GATM: variants seen among roughly 807,000 people sequenced by gnomAD.
GATM encodes the protein glycine amidinotransferase, mitochondrial.
In GATM, 23 loss-of-function variants were observed where a neutral mutation model predicts 54.2. That is an observed-to-expected ratio of 0.42 (90% CI 0.31 to 0.60). The LOEUF is 0.60. Ranked by LOEUF, GATM falls within the 20% of genes least tolerant of loss-of-function variation. GATM has a pLI of 0.14. For synonymous variants in GATM, 168 were observed against 183.1 expected (o/e 0.92, Z 0.67); for missense variants, 401 against 544.9 (o/e 0.74, Z 2.63).
upstream of GATM, among the ~76,000 whole-genome samples, chr15:45,382,967 T>C (rs1889760100): frequency 6.6e-6 from 1 of 152,196 alleles, no homozygotes; most frequent in Non-Finnish European, 1.5e-5. Flanking sequence ...AAATCTGAAA[T>C]GCTGTGGGAC....
At chr15:45,362,733 T>G (rs1358505203) in intron 8 of GATM, among the ~76,000 whole-genome samples, 2 of 152,198 alleles carry the variant, frequency 1.3e-5, no homozygotes, top group Non-Finnish European at 2.9e-5. Flanking sequence ...GTTTGTATGG[T>G]TATACAGGTA....
At chr15:45,384,391 T>C (rs960616151) in intron 3 of GATM, among the ~76,000 whole-genome samples, 7 of 152,142 alleles carry the variant, frequency 4.6e-5, no homozygotes, top group Non-Finnish European at 7.4e-5. Context: ...GCTAAAGAGA[T>C]AGAAAGTCCA....
chr15:45,382,698 CAGG>C (rs1228661716), upstream of GATM, among the ~76,000 whole-genome samples: 1 of 152,072 alleles, frequency 6.6e-6, no homozygotes, highest in East Asian at 1.9e-4. Context: ...GAGGCTGAGG[CAGG>C]AGAATTGCTT....
intron 1 of GATM, among the ~76,000 whole-genome samples, chr15:45,401,238 C>CA: frequency 6.6e-6 from 1 of 152,176 alleles, no homozygotes; most frequent in Non-Finnish European, 1.5e-5. Context: ...CAGGAACTGG[C>CA]ATGGGTCTTA....
Position 45,369,315 on chromosome 15 carries a change from A to T in GATM, c.484+11T>A. The T allele has an allele frequency of 6.2e-7, 1 of 1,611,184 alleles. No individual in the cohort carries two copies. Among genetic ancestry groups the T allele is most frequent in the Non-Finnish European group, 8.5e-7 (1 of 1,177,336 alleles). On this transcript the variant is annotated intron_variant, in intron 3 of 8. Transcript: ENST00000396659. ...CAGACACTGGCAGTTTAGTTATCTG[A>T]CATCACTTACCCGTAGACTCAAAAT...
chr15:45,386,484 C>G (rs1016002336), intron 3 of GATM, among the ~76,000 whole-genome samples: 8 of 152,194 alleles, frequency 5.3e-5, no homozygotes, highest in Admixed American at 5.2e-4. Flanking sequence ...CCTAAGAAAA[C>G]TGTAGATACT....
At chr15:45,391,119 C>T (rs756997694) in intron 3 of GATM, among the ~76,000 whole-genome samples, 9 of 152,054 alleles carry the variant, frequency 5.9e-5, no homozygotes, top group East Asian at 1.9e-4. Context: ...TTCAAAACAA[C>T]GTTGGCTGGG....
intron 3 of GATM, chr15:45,396,366 G>C (rs1036231987): frequency 2.0e-5 from 3 of 152,110 alleles, no homozygotes; most frequent in Non-Finnish European, 4.4e-5. Flanking sequence ...CCTCAAACCA[G>C]TCAAAGTATA....
chr15:45,381,867 T>G (rs1437469534), upstream of GATM, among the ~76,000 whole-genome samples: 1 of 152,168 alleles, frequency 6.6e-6, no homozygotes, highest in Admixed American at 6.5e-5. Flanking sequence ...TTAGAAAATA[T>G]TATTTGGGCT....
At chr15:45,383,548 T>C (rs1057437186) in intron 3 of GATM, among the ~76,000 whole-genome samples, 9 of 152,080 alleles carry the variant, frequency 5.9e-5, no homozygotes, top group Non-Finnish European at 1.2e-4. Context: ...TTTCTTAAGG[T>C]TCTGACTAAA....
rs142074073 is a variant in GATM at position 45,368,559 on chromosome 15, C to T, written c.485-299G>A. On this transcript the variant is annotated intron_variant, in intron 3 of 8. Transcript: ENST00000396659. This position sits in a 1 kb window ranked among gnomAD's most constrained non-coding sequence, Gnocchi z 5.1. ...ACCAAGAGGCAAAGGCTGCAGTGAG[C>T]CGAGATTGTGCCACCACACTCCAGC... Among the ~76,000 whole-genome samples the T allele has an allele frequency of 4.9e-3, 740 of 151,888 alleles. 7 individuals carry two copies. The highest frequency in any genetic ancestry group is 0.017 in the African/African-American group (695 of 41,400).
chr15:45,372,610 G>A (rs533800549), intron 2 of GATM, among the ~76,000 whole-genome samples: 3 of 152,144 alleles, frequency 2.0e-5, no homozygotes, highest in African/African-American at 7.2e-5. Flanking sequence ...GGGACAAGAA[G>A]CCTTTGAAAA....
intron 8 of GATM, chr15:45,363,679 T>C (rs1366778155): frequency 3.4e-6 from 2 of 592,506 alleles, no homozygotes; most frequent in Non-Finnish European, 6.0e-6. Flanking sequence ...AACTTATTGT[T>C]AAGGGGATGT....
chr15:45,401,658 C>T (rs963425635), intron 1 of GATM, among the ~76,000 whole-genome samples: 1 of 152,190 alleles, frequency 6.6e-6, no homozygotes, highest in African/African-American at 2.4e-5. Flanking sequence ...CCCAATTAGA[C>T]AGTAAGCATT....
At chr15:45,374,847 C>T (rs1225217032) in intron 2 of GATM, among the ~76,000 whole-genome samples, 1 of 152,216 alleles carries the variant, frequency 6.6e-6, no homozygotes, top group Non-Finnish European at 1.5e-5. Context: ...TACAGAACTT[C>T]TTTCCTCAAT....
At chr15:45,384,184 C>G (rs2140668847) in intron 3 of GATM, among the ~76,000 whole-genome samples, 1 of 152,360 alleles carries the variant, frequency 6.6e-6, no homozygotes, top group South Asian at 2.1e-4. Flanking sequence ...TGTAGTCCAA[C>G]TACTTTCAGT....
intron 2 of GATM, among the ~76,000 whole-genome samples, chr15:45,375,621 G>A (rs576919399): frequency 3.6e-4 from 55 of 152,218 alleles, no homozygotes; most frequent in African/African-American, 1.3e-3. Context: ...GAATATTAGA[G>A]GATAGAGGGA....
Position 45,368,495 on chromosome 15 carries a change from C to G in GATM, c.485-235G>C, listed in dbSNP as rs372155717. Among the ~76,000 whole-genome samples, 1 of 151,932 alleles carries G rather than the reference C, an allele frequency of 6.6e-6. No individual in the cohort carries two copies. On this transcript the variant is annotated intron_variant, in intron 3 of 8. Coordinates refer to ENST00000396659, the MANE Select transcript of GATM (RefSeq NM_001482.3). This position sits in a 1 kb window ranked among gnomAD's most constrained non-coding sequence, Gnocchi z 5.1. ...AGGCATGGTGGCACGTGCCTGTAAT[C>G]CTAGCTACTCGGGAGACTGAGGCAG...
At position 45,368,757 on chromosome 15, in the gene GATM, G is replaced by A. The variant is rs2140645779; in HGVS notation, c.485-497C>T. ...GATTGTTAACATGAATTGTGTGGTG[G>A]GGGGGAAGCCCAGAAAAAAAAGAAA... is the stretch of plus-strand genomic sequence containing the variant. On this transcript the variant is annotated intron_variant, in intron 3 of 8. Transcript: ENST00000396659. The surrounding 1 kb of genome is among the most constrained non-coding windows in gnomAD (Gnocchi z 5.1). Among the ~76,000 whole-genome samples, 1 of 150,594 alleles carries A rather than the reference G, an allele frequency of 6.6e-6. No individual in the cohort carries two copies. Among genetic ancestry groups the A allele is most frequent in the Non-Finnish European group, 1.5e-5 (1 of 67,760 alleles).
Sources: gnomAD v4.1 joint callset for allele counts (sites outside exome capture counted in the v4.1 genomes callset) on GRCh38, gnomAD v4.1.1 for gene constraint, Gnocchi (gnomAD v3.1) non-coding constraint, MANE v1.5 for transcripts, NCBI Gene and HGNC (gene_info 2026-07-23, HGNC 2026-07-21) for gene names.